Variants in SLC30A9 observed in about 807,000 individuals in gnomAD.
The protein encoded by SLC30A9 is solute carrier family 30 member 9, also known as proton-coupled zinc antiporter SLC30A9, mitochondrial.
A neutral mutation model predicts 87.5 loss-of-function variants in SLC30A9; 58 were observed. That is an observed-to-expected ratio of 0.66 (90% CI 0.54 to 0.82). SLC30A9 has a LOEUF of 0.82. Among genes scored for constraint, SLC30A9 ranks in the 40% least tolerant of loss-of-function variants. SLC30A9 has a pLI of 0.00. For synonymous variants in SLC30A9, 234 were observed against 233.0 expected (o/e 1.00, Z -0.04); for missense variants, 557 against 679.1 (o/e 0.82, Z 2.00).
intron 7 of SLC30A9, among the ~76,000 whole-genome samples, chr4:42,038,458 A>G (rs1263919382): frequency 6.6e-6 from 1 of 152,172 alleles, no homozygotes; most frequent in African/African-American, 2.4e-5. Flanking sequence ...TCCAAATAAT[A>G]CAATATATTC....
At chr4:42,004,658 C>CTTTTTTTTTTTTTT (rs781063684) in intron 2 of SLC30A9, among the ~76,000 whole-genome samples, 3 of 62,992 alleles carry the variant, frequency 4.8e-5, no homozygotes, top group Non-Finnish European at 7.0e-5. Flanking sequence ...TTTTTTTTTT[C>CTTTTTTTTTTTTTT]TTTTTCTTTT....
chr4:42,059,385 A>C (rs541192616), intron 9 of SLC30A9, among the ~76,000 whole-genome samples: 1 of 152,314 alleles, frequency 6.6e-6, no homozygotes, highest in South Asian at 2.1e-4. Flanking sequence ...ACTATTGAGA[A>C]GTTCCAGTGG....
intron 6 of SLC30A9, among the ~76,000 whole-genome samples, chr4:42,028,192 A>G (rs564585466): frequency 2.0e-5 from 3 of 152,322 alleles, no homozygotes; most frequent in East Asian, 3.9e-4. Flanking sequence ...ATCTCAGCAC[A>G]CTGCAACCTC....
intron 15 of SLC30A9, among the ~76,000 whole-genome samples, chr4:42,075,338 T>C (rs1341319488): frequency 6.6e-6 from 1 of 151,742 alleles, no homozygotes; most frequent in East Asian, 1.9e-4. Flanking sequence ...CCTCCGAAAG[T>C]GTTGGGATTA....
chr4:42,072,253 T>C (rs960978104), intron 15 of SLC30A9, among the ~76,000 whole-genome samples: 2 of 152,256 alleles, frequency 1.3e-5, no homozygotes, highest in East Asian at 3.9e-4. Flanking sequence ...GTTGTTTTTC[T>C]ATTTTCTTTT....
intron 6 of SLC30A9, among the ~76,000 whole-genome samples, chr4:42,025,662 TTTTTA>T (rs1166868620): frequency 6.6e-6 from 1 of 152,136 alleles, no homozygotes; most frequent in Non-Finnish European, 1.5e-5. Flanking sequence ...TTGTTGATTA[TTTTTA>T]TTTTATTTTA....
chr4:42,029,376 G>A, intron 6 of SLC30A9: 1 of 601,358 alleles, frequency 1.7e-6, no homozygotes, highest in Admixed American at 1.9e-5. Flanking sequence ...TGATCCAAGT[G>A]GTGCTGCTCA....
At position 41,999,488 on chromosome 4, in the gene SLC30A9, T is replaced by C. The variant is rs183986001; in HGVS notation, c.110-2128T>C. Among the ~76,000 whole-genome samples, 867 of 152,292 alleles carry C rather than the reference T, an allele frequency of 5.7e-3. 3 individuals are homozygous for C. Among genetic ancestry groups the C allele is most frequent in the Non-Finnish European group, 9.5e-3 (646 of 68,006 alleles). On this transcript the variant is annotated intron_variant, in intron 1 of 17. Transcript: ENST00000264451. ...CCTGATGAAAGAACTCATCACCACTTAACAAAGTAGTGTTGACCTAATAAA... is the reference window on the plus strand; with the variant it reads ...CCTGATGAAAGAACTCATCACCACTCAACAAAGTAGTGTTGACCTAATAAA...
intron 9 of SLC30A9, among the ~76,000 whole-genome samples, chr4:42,051,573 A>T (rs1179927631): frequency 6.6e-6 from 1 of 152,234 alleles, no homozygotes; most frequent in Non-Finnish European, 1.5e-5. Flanking sequence ...AAACCAAATG[A>T]AACTTTTAGA....
At chr4:42,055,908 G>T (rs566377857) in intron 9 of SLC30A9, among the ~76,000 whole-genome samples, 12 of 152,310 alleles carry the variant, frequency 7.9e-5, no homozygotes, top group African/African-American at 2.6e-4. Context: ...TTAGCCACTA[G>T]ATGTTAATGT....
rs1268408740 is a variant in SLC30A9 at position 42,087,092 on chromosome 4, T to C, written c.*966T>C. The C allele has an allele frequency of 6.6e-6, 1 of 152,192 alleles. No individual in the cohort carries two copies. The highest frequency in any genetic ancestry group is 2.4e-5 in the African/African-American group (1 of 41,436). 9.4% of individuals were successfully genotyped at this position (152,192 alleles called of 1,614,324 possible). ...TTCTTGCTTTAAGAGAGAGACAGAA[T>C]CTCTCACTGAAACTCATGGTCATGA... On this transcript the variant is annotated 3_prime_UTR_variant, in exon 18 of 18. Coordinates refer to ENST00000264451, the MANE Select transcript of SLC30A9 (RefSeq NM_006345.4).
chr4:42,000,183 C>T (rs1714919208), intron 1 of SLC30A9, among the ~76,000 whole-genome samples: 1 of 151,924 alleles, frequency 6.6e-6, no homozygotes, highest in East Asian at 1.9e-4. Context: ...TGGAGTAATC[C>T]CTCTTTAAAC....
chr4:42,049,385 T>G lies in SLC30A9; in HGVS notation c.746T>G (p.Leu249Ter). ...VVMVAICING[L>*]NCFFKFLAWI... ...TTCTCTTTCTCTTCTAGCAATGGAT[T>G]AAACTGCTTCTTTAAATTTCTTGCC... The change falls in exon 9 of 18, where the codon TTA becomes TGA. Residue 249 changes from leucine to a stop codon, truncating the protein, a stop_gained. Transcript: ENST00000264451. LOFTEE classifies it high-confidence loss of function. 3.1e-6 allele frequency: 5 copies of G among 1,607,528 alleles called. No homozygotes were observed. Among genetic ancestry groups the G allele is most frequent in the Non-Finnish European group, 4.3e-6 (5 of 1,175,832 alleles).
intron 9 of SLC30A9, among the ~76,000 whole-genome samples, chr4:42,059,988 A>G (rs1717777882): frequency 6.6e-6 from 1 of 152,030 alleles, no homozygotes; most frequent in African/African-American, 2.4e-5. Flanking sequence ...TCTCATCTTT[A>G]TAAACAATGG....
Position 42,086,682 on chromosome 4 carries a change from C to G in SLC30A9, c.*556C>G, listed in dbSNP as rs181839119. 1 of 152,650 alleles carries G rather than the reference C, an allele frequency of 6.6e-6. No homozygotes were observed. Among genetic ancestry groups the G allele is most frequent in the Non-Finnish European group, 1.5e-5 (1 of 68,052 alleles). 9.5% of individuals were successfully genotyped at this position (152,650 alleles called of 1,614,324 possible). ...TGACCTGAGTGCTAAGAGAATCACT[C>G]TCCTTACCTAGTTATCTACAAATGT... On this transcript the variant is annotated 3_prime_UTR_variant, in exon 18 of 18. Coordinates refer to ENST00000264451, the MANE Select transcript of SLC30A9 (RefSeq NM_006345.4).
chr4:41,994,267 C>T (rs924635812), intron 1 of SLC30A9, among the ~76,000 whole-genome samples: 4 of 151,870 alleles, frequency 2.6e-5, no homozygotes, highest in Admixed American at 2.0e-4. Context: ...GTGATATTAA[C>T]AGTGAGTTTG....
At chr4:42,051,425 C>T (rs1717379653) in intron 9 of SLC30A9, among the ~76,000 whole-genome samples, 1 of 151,932 alleles carries the variant, frequency 6.6e-6, no homozygotes, top group Non-Finnish European at 1.5e-5. Context: ...GACTCATAAC[C>T]AGGAGAAAAA....
At chr4:41,999,248 GA>G in intron 1 of SLC30A9, among the ~76,000 whole-genome samples, 1 of 152,316 alleles carries the variant, frequency 6.6e-6, no homozygotes, top group East Asian at 1.9e-4. Context: ...TAAAGGGAAA[GA>G]AGCATTTAGT....
chr4:41,994,662 A>T (rs1488466517), intron 1 of SLC30A9, among the ~76,000 whole-genome samples: 2 of 151,568 alleles, frequency 1.3e-5, no homozygotes, highest in African/African-American at 4.8e-5. Context: ...CTCTTTAAAT[A>T]ACTAAGAGTA....
Sources: allele counts gnomAD v4.1 joint callset (sites outside exome capture counted in the v4.1 genomes callset), GRCh38; gene constraint gnomAD v4.1.1; transcripts MANE v1.5; gene names NCBI Gene and HGNC (gene_info 2026-07-23, HGNC 2026-07-21).